Variants in ANAPC1 observed in about 807,000 individuals in gnomAD.
The protein encoded by ANAPC1 is anaphase promoting complex subunit 1.
Under a neutral mutation model 208.0 loss-of-function variants are expected in ANAPC1, and 36 were observed. The observed-to-expected ratio is 0.17, with a 90% CI of 0.13 to 0.23. The LOEUF is 0.23. Ranked by LOEUF, ANAPC1 falls within the 10% of genes least tolerant of loss-of-function variation. The pLI, the probability that ANAPC1 is intolerant of heterozygous loss-of-function variation, is 1.00. For missense variants in ANAPC1, 942 were observed against 2,011.6 expected (o/e 0.47, Z 10.17); for synonymous variants, 378 against 695.2 (o/e 0.54, Z 7.18).
intron 1 of ANAPC1, among the ~76,000 whole-genome samples, chr2:111,883,475 T>C (rs919940947): frequency 6.6e-6 from 1 of 151,808 alleles, no homozygotes; most frequent in Non-Finnish European, 1.5e-5. Context: ...AAAAATACTA[T>C]TAAATTTATA....
intron 21 of ANAPC1, among the ~76,000 whole-genome samples, chr2:111,828,601 A>T (rs1442132493): frequency 1.8e-4 from 28 of 152,256 alleles, no homozygotes; most frequent in Admixed American, 1.8e-3. Context: ...GGAATACTAT[A>T]TAGAATACTG....
chr2:111,854,843 A>G lies in ANAPC1; in HGVS notation c.1515+1771T>C, dbSNP rs560747720. Among the ~76,000 whole-genome samples the G allele has an allele frequency of 3.1e-3, 470 of 152,304 alleles. 23 individuals are homozygous for G. The South Asian group carries it at 0.094, about 30-fold the overall frequency. ...CTGTCCAGACACTAAAACTTTCTTC[A>G]TATCAGCGATAAGGCTGTTTCGCTT... is the stretch of plus-strand genomic sequence containing the variant. On this transcript the variant is annotated intron_variant, in intron 13 of 47. Coordinates refer to ENST00000341068, the MANE Select transcript of ANAPC1 (RefSeq NM_022662.4).
intron 17 of ANAPC1, among the ~76,000 whole-genome samples, chr2:111,839,574 C>T (rs1680648090): frequency 6.6e-6 from 1 of 152,222 alleles, no homozygotes; most frequent in South Asian, 2.1e-4. Flanking sequence ...ACATAGGTAG[C>T]AATAAAGTGA....
chr2:111,824,258 AC>A (rs1335738960), intron 24 of ANAPC1, among the ~76,000 whole-genome samples: 1 of 145,468 alleles, frequency 6.9e-6, no homozygotes, highest in Non-Finnish European at 1.5e-5. Context: ...AAAAAAAAAA[AC>A]CTGTCAGAAA....
In ANAPC1 at chr2:111,815,448, A is replaced by G; in HGVS notation, c.3519T>C (p.Ala1173=). Residue 1173 remains alanine (A), a synonymous_variant, in exon 28 of 48, where the codon GCT becomes GCC. Transcript: ENST00000341068. ...TCAAACCCAGAGCCATGAGAAAGCC[A>G]GCATACTCATTGGCCAACTCAGCAT... is the stretch of plus-strand genomic sequence containing the variant. ...PKHAELANEY[A]GFLMALGLNG... 1 of 233,530 alleles carries G rather than the reference A, an allele frequency of 4.3e-6. No homozygotes were observed. The highest frequency in any genetic ancestry group is 2.5e-5 in the South Asian group (1 of 39,934). The allele number at this position is 233,530 out of a possible 1,614,324, so 14.5% of individuals were successfully genotyped here.
chr2:111,816,205 A>G (rs1679227756), intron 27 of ANAPC1, among the ~76,000 whole-genome samples: 1 of 150,596 alleles, frequency 6.6e-6, no homozygotes, highest in South Asian at 2.1e-4. Context: ...CAGAGGTTGC[A>G]GTGAGCCAAG....
chr2:111,873,785 T>C, intron 3 of ANAPC1, 121 bp from the exon 4 acceptor site: 10 of 916,008 alleles, frequency 1.1e-5, no homozygotes, highest in Non-Finnish European at 1.4e-5. Flanking sequence ...CAGCTCAACA[T>C]GTACAATCAT....
rs146217472 is a variant in ANAPC1 at position 111,874,822 on chromosome 2, T to C, written c.376-1158A>G. Among the ~76,000 whole-genome samples, 144 of 152,282 alleles carry C rather than the reference T, an allele frequency of 9.5e-4. 1 individual carries two copies. Among genetic ancestry groups the C allele is most frequent in the Non-Finnish European group, 1.2e-3 (81 of 68,014 alleles). Reference sequence around the variant, plus strand: ...TGGATCATAATGGTAATTCTAAGTATAACTTTTCTTTCAAGAGATGGGGTC... The same window carrying C: ...TGGATCATAATGGTAATTCTAAGTACAACTTTTCTTTCAAGAGATGGGGTC... On this transcript the variant is annotated intron_variant, in intron 3 of 47. Transcript: ENST00000341068.
intron 21 of ANAPC1, among the ~76,000 whole-genome samples, chr2:111,829,562 C>A (rs1680019824): frequency 6.6e-6 from 1 of 152,162 alleles, no homozygotes; most frequent in Non-Finnish European, 1.5e-5. Context: ...TGCCAAGAAA[C>A]TTACCTTATT....
chr2:111,884,018 G>A lies in ANAPC1; in HGVS notation c.-101C>T, dbSNP rs929022196. 2.0e-5 allele frequency: 3 copies of A among 152,456 alleles called. No individual in the cohort carries two copies. Among genetic ancestry groups the A allele is most frequent in the Non-Finnish European group, 4.4e-5 (3 of 68,224 alleles). 9.4% of individuals were successfully genotyped at this position (152,456 alleles called of 1,614,324 possible). On this transcript the variant is annotated 5_prime_UTR_variant, in exon 1 of 48. Coordinates refer to ENST00000341068, the MANE Select transcript of ANAPC1 (RefSeq NM_022662.4). ...GGCGCAGGGGCCGAGGAGGCCCGAG[G>A]GCAGCGGCGGGGTCCTTCACAGTGA...
intron 3 of ANAPC1, among the ~76,000 whole-genome samples, 185 bp from the exon 4 acceptor site, chr2:111,873,849 TAAGGA>T (rs1256429055): frequency 2.0e-5 from 3 of 151,968 alleles, no homozygotes; most frequent in Admixed American, 2.0e-4. Flanking sequence ...ATAAATATGA[TAAGGA>T]AAGGCAAAAT....
chr2:111,823,700 C>G (rs568241684), intron 24 of ANAPC1, among the ~76,000 whole-genome samples: 1 of 152,136 alleles, frequency 6.6e-6, no homozygotes, highest in East Asian at 1.9e-4. Context: ...ATATTTACAT[C>G]TATATATTTT....
At chr2:111,883,501 T>C (rs1553439502) in intron 1 of ANAPC1, among the ~76,000 whole-genome samples, 1 of 148,476 alleles carries the variant, frequency 6.7e-6, no homozygotes, top group Non-Finnish European at 1.5e-5. Context: ...TAAATAACAG[T>C]ATCAGCAATG....
intron 11 of ANAPC1, chr2:111,857,203 T>A: frequency 3.5e-6 from 1 of 288,440 alleles, no homozygotes. Flanking sequence ...AATGAGTACA[T>A]GTCAAATTGA....
At chr2:111,826,436 T>G (rs1317098434) in intron 21 of ANAPC1, among the ~76,000 whole-genome samples, 1 of 152,240 alleles carries the variant, frequency 6.6e-6, no homozygotes, top group African/African-American at 2.4e-5. Context: ...TACAATATCA[T>G]GTAAATCAAT....
At chr2:111,801,192 A>G (rs1487786184) in intron 33 of ANAPC1, among the ~76,000 whole-genome samples, 1 of 151,808 alleles carries the variant, frequency 6.6e-6, no homozygotes, top group Non-Finnish European at 1.5e-5. Flanking sequence ...CCCCATCTCT[A>G]CTAAAAATAC....
chr2:111,834,858 T>C lies in ANAPC1; in HGVS notation c.2130A>G (p.Leu710=), dbSNP rs1290402252. The change falls in exon 19 of 48, where the codon TTA becomes TTG. Residue 710 remains leucine, a synonymous_variant. Transcript: ENST00000341068. The part of the protein sequence containing the change: ...ETGSDDDWEY[L]LNSDYHQNVE... ...CATTCTGGTGGTAGTCTGAATTTAG[T>C]AAATATTCCCAGTCCTGAGAAGAAT... 6.3e-7 allele frequency: 1 copy of C among 1,598,076 alleles called. No homozygotes were observed. The highest frequency in any genetic ancestry group is 1.3e-5 in the African/African-American group (1 of 74,152).
chr2:111,785,683 A>G (rs1259442368), intron 39 of ANAPC1, among the ~76,000 whole-genome samples: 3 of 152,058 alleles, frequency 2.0e-5, no homozygotes. Flanking sequence ...CTTTGACCCA[A>G]TAATTCTTTA....
chr2:111,847,862 C>T lies in ANAPC1; in HGVS notation c.1654G>A (p.Val552Ile). The change falls in exon 15 of 48, where the codon GTT becomes ATT. Residue 552 changes from valine to isoleucine, a missense_variant. Val to Ile is a conservative substitution (Grantham distance 29). Coordinates refer to ENST00000341068, the MANE Select transcript of ANAPC1 (RefSeq NM_022662.4). ...AGTTCTGGAACTGGGGACAACAGAA[C>T]AACCTGTAAAAAGTTGTAAATACGA... ...SKLLGSLDEV[V>I]LLSPVPELRD... The T allele has an allele frequency of 6.4e-7, 1 of 1,572,336 alleles. No homozygotes were observed. Among genetic ancestry groups the T allele is most frequent in the Non-Finnish European group, 8.6e-7 (1 of 1,163,642 alleles).
Sources: allele counts gnomAD v4.1 joint callset (sites outside exome capture counted in the v4.1 genomes callset), GRCh38; gene constraint gnomAD v4.1.1; transcripts MANE v1.5; gene names NCBI Gene and HGNC (gene_info 2026-07-23, HGNC 2026-07-21).